The following CARS2 variants were observed in gnomAD, a reference collection of about 807,000 sequenced individuals.
CARS2 encodes probable cysteine--tRNA ligase, mitochondrial.
In CARS2, 52 loss-of-function variants were observed where a neutral mutation model predicts 68.8. The observed-to-expected ratio is 0.76, with a 90% CI of 0.61 to 0.95. CARS2 has a LOEUF of 0.95. Ranked by LOEUF, CARS2 falls within the 40% of genes least tolerant of loss-of-function variation. CARS2 has a pLI of 0.00. For missense variants in CARS2, 780 were observed against 754.2 expected (o/e 1.03, Z -0.40); for synonymous variants, 314 against 303.6 (o/e 1.03, Z -0.36).
chr13:110,689,995 G>A (rs980879684), intron 3 of CARS2, among the ~76,000 whole-genome samples: 2 of 152,198 alleles, frequency 1.3e-5, no homozygotes, highest in African/African-American at 2.4e-5. Flanking sequence ...TTGGGAGGCC[G>A]ACGTGGGCAG....
upstream of CARS2, among the ~76,000 whole-genome samples, chr13:110,708,177 GA>G (rs930010577): frequency 3.3e-3 from 495 of 152,140 alleles, 5 homozygotes; most frequent in African/African-American, 0.011. Flanking sequence ...GCTGTGGCTG[GA>G]AAAAAAAAAT....
chr13:110,699,219 G>A (rs1308449307), intron 3 of CARS2, among the ~76,000 whole-genome samples: 3 of 152,172 alleles, frequency 2.0e-5, no homozygotes, highest in Admixed American at 2.0e-4. Flanking sequence ...CCAACCTGTG[G>A]TGTTCTGTTA....
At chr13:110,664,157 AG>A in intron 8 of CARS2, 1 of 985,290 alleles carries the variant, frequency 1.0e-6, no homozygotes, top group East Asian at 1.1e-4. Flanking sequence ...CTCCAAGAGA[AG>A]GGCTTTCTGT....
intron 7 of CARS2, among the ~76,000 whole-genome samples, chr13:110,673,712 A>G (rs975610984): frequency 4.6e-5 from 7 of 152,142 alleles, no homozygotes; most frequent in Non-Finnish European, 7.4e-5. Flanking sequence ...AGTTCTGGCC[A>G]GGGCAATCAG....
chr13:110,651,033 C>T lies in CARS2; in HGVS notation c.1054+1G>A, dbSNP rs748053250. ...GTCCACTCCACGTGTGCTCGGCTCA[C>T]CTGAGCGGTAGCTGCTCCGCAGGCA... On this transcript the variant is annotated splice_donor_variant, in intron 10 of 14. Coordinates refer to ENST00000257347, the MANE Select transcript of CARS2 (RefSeq NM_024537.4). LOFTEE classifies it high-confidence loss of function. The T allele has an allele frequency of 3.7e-6, 6 of 1,611,614 alleles. No homozygotes were observed. Among genetic ancestry groups the T allele is most frequent in the African/African-American group, 2.7e-5 (2 of 74,992 alleles).
chr13:110,696,061 A>G (rs1313760627), intron 3 of CARS2, among the ~76,000 whole-genome samples: 1 of 152,152 alleles, frequency 6.6e-6, no homozygotes, highest in Non-Finnish European at 1.5e-5. Context: ...TAGTTTGCTG[A>G]AAATGATGGT....
At chr13:110,644,047 GA>G in intron 13 of CARS2, 1 of 1,244,630 alleles carries the variant, frequency 8.0e-7, no homozygotes, top group Non-Finnish European at 1.0e-6. Context: ...AATGGGTCAG[GA>G]AAAAATGTTC....
upstream of CARS2, chr13:110,706,170 G>A: frequency 1.9e-6 from 2 of 1,077,486 alleles, no homozygotes; most frequent in Non-Finnish European, 2.3e-6. Context: ...AGAGCAGCAC[G>A]GCCCCGCCCC....
At chr13:110,688,081 C>T in intron 3 of CARS2, 63 bp from the exon 4 acceptor site, 2 of 1,157,558 alleles carry the variant, frequency 1.7e-6, no homozygotes, top group Non-Finnish European at 2.5e-6. Context: ...ACCACCCAGC[C>T]ACAAGAAAGC....
intron 7 of CARS2, among the ~76,000 whole-genome samples, chr13:110,669,034 A>C (rs892877582): frequency 1.3e-5 from 2 of 152,198 alleles, no homozygotes; most frequent in Non-Finnish European, 2.9e-5. Context: ...GTGACTGGTG[A>C]CTGGACATTT....
At chr13:110,707,536 A>T (rs1315257402), upstream of CARS2, 1 of 152,052 alleles carries the variant, frequency 6.6e-6, no homozygotes, top group Non-Finnish European at 1.5e-5. Context: ...AGTCCCAGCT[A>T]CTGGGGAGGC....
At chr13:110,655,978 G>C (rs1268856855) in intron 9 of CARS2, among the ~76,000 whole-genome samples, 1 of 152,198 alleles carries the variant, frequency 6.6e-6, no homozygotes, top group Non-Finnish European at 1.5e-5. Context: ...TGTTAATGCT[G>C]AACCCTGCAA....
At chr13:110,687,870 C>T (rs1351337784) in intron 4 of CARS2, 44 bp from the exon 5 acceptor site, 1 of 1,561,150 alleles carries the variant, frequency 6.4e-7, no homozygotes, top group Non-Finnish European at 8.8e-7. Context: ...TCGTGAGAAG[C>T]ACAGGTCAGC....
Position 110,692,003 on chromosome 13 carries a change from A to AAT in CARS2, c.394-3987_394-3986dup, listed in dbSNP as rs71127965. On this transcript the variant is annotated intron_variant, in intron 3 of 14. Transcript: ENST00000257347. Reference sequence around the variant, plus strand: ...AGCTGTGCAGAAAAAAAAAAAAAAAAATATATATATATATATATATACACA... The same window carrying AAT: ...AGCTGTGCAGAAAAAAAAAAAAAAAAATATATATATATATATATATATACACA... Among the ~76,000 whole-genome samples, 398 of 91,520 alleles carry AAT rather than the reference A, an allele frequency of 4.3e-3. 2 individuals carry two copies. The highest frequency in any genetic ancestry group is 8.3e-3 in the African/African-American group (203 of 24,426). 60.0% of individuals were successfully genotyped at this position (91,520 alleles called of 152,430 possible).
chr13:110,645,726 G>A (rs2139678337), intron 12 of CARS2: 3 of 466,094 alleles, frequency 6.4e-6, no homozygotes. Flanking sequence ...GAATTTCTCA[G>A]CCTCAGGGGC....
intron 3 of CARS2, among the ~76,000 whole-genome samples, chr13:110,692,417 G>C (rs2063498142): frequency 6.6e-6 from 1 of 151,546 alleles, no homozygotes; most frequent in Admixed American, 6.6e-5. Flanking sequence ...GTTGCGGTGA[G>C]CTGAGATTGT....
intron 3 of CARS2, among the ~76,000 whole-genome samples, chr13:110,692,991 T>A (rs1008172891): frequency 6.7e-6 from 1 of 149,524 alleles, no homozygotes; most frequent in Non-Finnish European, 1.5e-5. Flanking sequence ...GCGCCTGTAA[T>A]CCCAGCCATT....
chr13:110,699,784 G>C (rs751751897), intron 3 of CARS2, among the ~76,000 whole-genome samples: 4 of 152,264 alleles, frequency 2.6e-5, no homozygotes, highest in Admixed American at 6.5e-5. Context: ...TAAAGTCAAA[G>C]GACCCACCAA....
intron 3 of CARS2, among the ~76,000 whole-genome samples, chr13:110,698,480 A>G (rs2063688953): frequency 6.6e-6 from 1 of 151,858 alleles, no homozygotes; most frequent in African/African-American, 2.4e-5. Context: ...AGATAGCACC[A>G]TTGCACTCCA....
Sources: gnomAD v4.1 joint callset for allele counts (sites outside exome capture counted in the v4.1 genomes callset) on GRCh38, gnomAD v4.1.1 for gene constraint, MANE v1.5 for transcripts, NCBI Gene and HGNC (gene_info 2026-07-23, HGNC 2026-07-21) for gene names.